MRPL49: variants seen among roughly 807,000 people sequenced by gnomAD.
MRPL49 encodes the protein mitochondrial ribosomal protein L49.
MRPL49 carries 14 observed loss-of-function variants against 18.4 expected under a neutral mutation model. The ratio of observed to expected loss-of-function variants is 0.76; its 90% CI spans 0.50 to 1.19. MRPL49 has a LOEUF of 1.19. MRPL49 is among the 50% of genes most tolerant of loss of function. MRPL49 has a pLI of 0.00. For missense variants in MRPL49, 190 were observed against 217.8 expected (o/e 0.87, Z 0.80); for synonymous variants, 104 against 86.2 (o/e 1.21, Z -1.14).
At chr11:65,122,864 C>T (rs1162644234) in intron 1 of MRPL49, among the ~76,000 whole-genome samples, 8 of 152,014 alleles carry the variant, frequency 5.3e-5, no homozygotes, top group African/African-American at 1.9e-4. Context: ...GGACTACAGG[C>T]TCCCGCCACC....
Position 65,126,908 on chromosome 11 carries a change from T to C in MRPL49, c.*1036T>C, listed in dbSNP as rs1040992535. 24 of 632,626 alleles carry C rather than the reference T, an allele frequency of 3.8e-5. No homozygotes were observed. Among genetic ancestry groups the C allele is most frequent in the Non-Finnish European group, 6.3e-5 (22 of 347,192 alleles). 39.2% of individuals were successfully genotyped at this position (632,626 alleles called of 1,614,324 possible). On this transcript the variant is annotated 3_prime_UTR_variant, in exon 4 of 4. Coordinates refer to ENST00000279242, the MANE Select transcript of MRPL49 (RefSeq NM_004927.4). ...GGGGAGGGGTTTGCAGGCAGGAATA[T>C]GCTGACCTTTCACCCTGCCATCCCA...
rs749885334 is a variant in MRPL49, at chr11:65,125,805, G to T, written c.434G>T (p.Gly145Val). 2 of 1,612,912 alleles carry T rather than the reference G, an allele frequency of 1.2e-6. No individual in the cohort carries two copies. The change falls in exon 4 of 4, where the codon GGT (glycine) becomes GTT (valine). Residue 145 changes from glycine to valine, a missense_variant. Coordinates refer to ENST00000279242, the MANE Select transcript of MRPL49 (RefSeq NM_004927.4). ...TPVTQVNEVTGTLRIKGYFDQ... is the reference protein window; with the variant it reads ...TPVTQVNEVTVTLRIKGYFDQ... Reference sequence around the variant, plus strand: ...GTCACCCAGGTCAATGAGGTGACAGGTACCCTACGGATCAAGGGCTACTTT... The same window carrying T: ...GTCACCCAGGTCAATGAGGTGACAGTTACCCTACGGATCAAGGGCTACTTT...
rs1184618035 is a variant in MRPL49 at position 65,126,488 on chromosome 11, T to C, written c.*616T>C. On this transcript the variant is annotated 3_prime_UTR_variant, in exon 4 of 4. Transcript: ENST00000279242. ...TGGGCTCAGCAATTCAAATTCTAGT[T>C]GTTATTTGGTGGAAGCAGTAGCCCA... 6.5e-6 allele frequency: 1 copy of C among 154,524 alleles called. No individual in the cohort carries two copies. Among genetic ancestry groups the C allele is most frequent in the Non-Finnish European group, 1.4e-5 (1 of 69,676 alleles). The allele number at this position is 154,524 out of a possible 1,614,324, so 9.6% of individuals were successfully genotyped here. A position where few individuals can be genotyped will look rare whatever the true frequency, so the allele number is the denominator to read the frequency against.
rs1948083050 is a variant in MRPL49, at chr11:65,124,609, G to T, written c.186G>T (p.Lys62Asn). ...CTACCAGGATCCCAGATCCCCCAAA[G>T]CATGAACATTATCCTACCCCTAGTG... ...LPATRIPDPP[K>N]HEHYPTPSGW... The change falls in exon 2 of 4, where the codon AAG (lysine) becomes AAT (asparagine). Residue 62 changes from lysine to asparagine, a missense_variant. By Grantham distance (94) the Lys-to-Asn change is moderately conservative (BLOSUM62 0). Transcript: ENST00000279242. 1 of 1,614,064 alleles carries T rather than the reference G, an allele frequency of 6.2e-7. No individual in the cohort carries two copies. The highest frequency in any genetic ancestry group is 8.5e-7 in the Non-Finnish European group (1 of 1,180,046).
At chr11:65,122,568 AT>A in intron 1 of MRPL49, 144 bp downstream of exon 1, 1 of 719,426 alleles carries the variant, frequency 1.4e-6, no homozygotes, top group Non-Finnish European at 2.3e-6. Flanking sequence ...CCGAGTGTAC[AT>A]ATAGAATCGA....
chr11:65,124,706 C>T (rs1414615423), intron 2 of MRPL49, 54 bp downstream of exon 2: 41 of 1,584,836 alleles, frequency 2.6e-5, no homozygotes, highest in Non-Finnish European at 3.4e-5. Context: ...TCACCTCCTC[C>T]CCAGAGGTTG....
intron 1 of MRPL49, 109 bp downstream of exon 1, chr11:65,122,533 C>A: frequency 9.7e-7 from 1 of 1,035,642 alleles, no homozygotes; most frequent in Non-Finnish European, 1.4e-6. Context: ...CTTAGTTTTG[C>A]CGTTTTCGAT....
Position 65,125,970 on chromosome 11 carries a change from G to A in MRPL49, c.*98G>A, listed in dbSNP as rs1948097334. The A allele has an allele frequency of 7.0e-7, 1 of 1,435,788 alleles. No individual in the cohort carries two copies. Among genetic ancestry groups the A allele is most frequent in the Admixed American group, 2.4e-5 (1 of 42,364 alleles). The allele number at this position is 1,435,788 out of a possible 1,614,324, so 88.9% of individuals were successfully genotyped here. On this transcript the variant is annotated 3_prime_UTR_variant, in exon 4 of 4. Coordinates refer to ENST00000279242, the MANE Select transcript of MRPL49 (RefSeq NM_004927.4). ...GGGTGTTGGAGCCCCTGAGACAGGG[G>A]ATACAGAAACTAGGGCTAAAGGACT...
At position 65,125,842 on chromosome 11, in the gene MRPL49, TA is replaced by T. The variant is rs1472614230; in HGVS notation, c.474del (p.Ala159ProfsTer58). The T allele has an allele frequency of 1.2e-6, 2 of 1,609,704 alleles. No homozygotes were observed. The highest frequency in any genetic ancestry group is 1.1e-5 in the South Asian group (1 of 90,948). On this transcript the variant is annotated frameshift_variant, in exon 4 of 4. Transcript: ENST00000279242. LOFTEE classifies it high-confidence loss of function. ...RIKGYFDQEL[K>X]AWLLEKGF ...TCAAGGGCTACTTTGACCAGGAGCT[TA>T]AAGCCTGGCTCTTGGAGAAAGGCTT...
rs1948097363 is a variant in MRPL49, at chr11:65,125,979, A to G, written c.*107A>G. 1.5e-6 allele frequency: 2 copies of G among 1,371,070 alleles called. No homozygotes were observed. The highest frequency in any genetic ancestry group is 9.9e-7 in the Non-Finnish European group (1 of 1,011,008). The allele number at this position is 1,371,070 out of a possible 1,614,324, so 84.9% of individuals were successfully genotyped here. On this transcript the variant is annotated 3_prime_UTR_variant, in exon 4 of 4. Transcript: ENST00000279242. The stretch of plus-strand genomic sequence containing the variant: ...AGCCCCTGAGACAGGGGATACAGAA[A>G]CTAGGGCTAAAGGACTTTGGGGTCA...
At chr11:65,125,680 A>G (rs1948093583) in intron 3 of MRPL49, 46 bp from the exon 4 acceptor site, 3 of 1,611,194 alleles carry the variant, frequency 1.9e-6, no homozygotes, top group Admixed American at 3.3e-5. Flanking sequence ...GAGTCTTTTT[A>G]AGGGAAGGGA....
At chr11:65,124,714 T>G (rs117853640) in intron 2 of MRPL49, 62 bp downstream of exon 2, 2 of 1,574,946 alleles carry the variant, frequency 1.3e-6, no homozygotes, top group Admixed American at 3.6e-5. Context: ...TCCCCAGAGG[T>G]TGGCCTCCCC....
chr11:65,125,025 G>T, intron 2 of MRPL49: 1 of 267,378 alleles, frequency 3.7e-6, no homozygotes, highest in South Asian at 6.6e-5. Context: ...ATGTTATCTT[G>T]AATTAGTCAC....
At chr11:65,122,301 G>A (rs1266557440), upstream of MRPL49, 1 of 1,598,038 alleles carries the variant, frequency 6.3e-7, no homozygotes, top group Non-Finnish European at 8.5e-7. Context: ...AGGACGGGGC[G>A]GGACCAGACA....
intron 1 of MRPL49, among the ~76,000 whole-genome samples, chr11:65,122,714 T>C (rs2137221318): frequency 7.0e-6 from 1 of 142,206 alleles, no homozygotes; most frequent in Middle Eastern, 3.7e-3. Flanking sequence ...TATGATTGCC[T>C]TAATTCTTTT....
At chr11:65,123,951 G>C (rs1948077439) in intron 1 of MRPL49, among the ~76,000 whole-genome samples, 1 of 151,774 alleles carries the variant, frequency 6.6e-6, no homozygotes, top group South Asian at 2.1e-4. Context: ...GCAATGGTGC[G>C]ATCTTAGCTC....
In MRPL49 at chr11:65,127,087, C is replaced by T. The variant is rs1327961552; in HGVS notation, c.*1215C>T. ...CTCTGCCCTGAAGCAGGGCACTGAA[C>T]TCTGGGCTGCTTCTCTGTGTGTAAA... On this transcript the variant is annotated 3_prime_UTR_variant, in exon 4 of 4. Transcript: ENST00000279242. 8.6e-6 allele frequency: 6 copies of T among 699,832 alleles called. No homozygotes were observed. Among genetic ancestry groups the T allele is most frequent in the Non-Finnish European group, 1.6e-5 (6 of 384,076 alleles). The allele number at this position is 699,832 out of a possible 1,614,324, so 43.4% of individuals were successfully genotyped here.
chr11:65,123,325 G>A (rs1948071323), intron 1 of MRPL49, among the ~76,000 whole-genome samples: 1 of 152,182 alleles, frequency 6.6e-6, no homozygotes, highest in Non-Finnish European at 1.5e-5. Context: ...GAAAACCAAA[G>A]ACTGGTGCTA....
chr11:65,122,506 G>T, intron 1 of MRPL49, 82 bp downstream of exon 1: 2 of 1,355,960 alleles, frequency 1.5e-6, no homozygotes, highest in Non-Finnish European at 1.0e-6. Context: ...GAAAACTAAG[G>T]CATTCCTACT....
Sources: gnomAD v4.1 joint callset for allele counts (sites outside exome capture counted in the v4.1 genomes callset) on GRCh38, gnomAD v4.1.1 for gene constraint, MANE v1.5 for transcripts, NCBI Gene and HGNC (gene_info 2026-07-23, HGNC 2026-07-21) for gene names.